NBR1: variants seen among roughly 807,000 people sequenced by gnomAD.
The protein encoded by NBR1 is NBR1 autophagy cargo receptor.
NBR1 carries 59 observed loss-of-function variants against 115.5 expected under a neutral mutation model. That is an observed-to-expected ratio of 0.51 (90% CI 0.41 to 0.63). The LOEUF (loss-of-function observed/expected upper bound fraction) is 0.63. Ranked by LOEUF, NBR1 falls within the 30% of genes least tolerant of loss-of-function variation. The pLI, the probability that NBR1 is intolerant of heterozygous loss-of-function variation, is 0.00. For missense variants in NBR1, 1,043 were observed against 1,150.5 expected (o/e 0.91, Z 1.35); for synonymous variants, 373 against 414.7 (o/e 0.90, Z 1.22).
chr17:43,205,506 G>T (rs2057296230), intron 20 of NBR1, among the ~76,000 whole-genome samples: 1 of 152,146 alleles, frequency 6.6e-6, no homozygotes, highest in Non-Finnish European at 1.5e-5. Flanking sequence ...AAAGGGTATT[G>T]TAGACAGTGT....
chr17:43,202,691 A>T lies in NBR1; in HGVS notation c.2600A>T (p.Gln867Leu). 6.3e-7 allele frequency: 1 copy of T among 1,576,676 alleles called. No homozygotes were observed. Among genetic ancestry groups the T allele is most frequent in the Non-Finnish European group, 8.6e-7 (1 of 1,159,664 alleles). ...RGSSGLVNSRQKSYDHSRHHH... is the reference protein window; with the variant it reads ...RGSSGLVNSRLKSYDHSRHHH... ...TCATCAGGACTTGTAAACAGCAGAC[A>T]GAAGAGCTATGACCACTCAAGGTAA... Residue 867 changes from glutamine (Q) to leucine (L), a missense_variant, in exon 19 of 21, where the codon CAG (glutamine) becomes CTG (leucine). Gln to Leu is a moderately radical substitution (Grantham distance 113). Transcript: ENST00000590996.
chr17:43,174,951 A>AG (rs2056469756), intron 1 of NBR1, among the ~76,000 whole-genome samples: 1 of 151,526 alleles, frequency 6.6e-6, no homozygotes, highest in Non-Finnish European at 1.5e-5. Flanking sequence ...AAAAAAAAAA[A>AG]AAAAATTAGC....
chr17:43,185,060 GC>G (rs1332838488), intron 5 of NBR1, among the ~76,000 whole-genome samples: 9 of 150,328 alleles, frequency 6.0e-5, no homozygotes, highest in Admixed American at 6.0e-4. Context: ...CTGCACTCTA[GC>G]CTGGTGACAG....
Position 43,191,437 on chromosome 17 carries a change from A to G in NBR1, c.929A>G (p.Lys310Arg). 4 of 1,613,564 alleles carry G rather than the reference A, an allele frequency of 2.5e-6. No homozygotes were observed. The highest frequency in any genetic ancestry group is 3.4e-6 in the Non-Finnish European group (4 of 1,179,704). Residue 310 changes from lysine (K) to arginine (R), a missense_variant, in exon 10 of 21, where the codon AAA becomes AGA. Physicochemically the swap from Lys to Arg is conservative, Grantham distance 26. Transcript: ENST00000590996. ...AEKQRLRAEK[K>R]QRKAEVKELK... is the part of the protein sequence containing the mutation. The stretch of plus-strand genomic sequence containing the variant: ...AAGCAAAGGTTGCGAGCTGAGAAGA[A>G]ACAACGTAAAGCAGAGGTCAAGGAA...
At chr17:43,189,010 C>A (rs117796976) in intron 6 of NBR1, 32 bp from the exon 7 acceptor site, 53,368 of 1,450,510 alleles carry the variant, frequency 0.037, 1,450 homozygotes, top group Admixed American at 0.12. Context: ...GAAAAAGTAA[C>A]CTCTAACATC....
At chr17:43,196,403 A>G in intron 14 of NBR1, 78 bp from the exon 15 acceptor site, 1 of 865,540 alleles carries the variant, frequency 1.2e-6, no homozygotes, top group East Asian at 3.0e-5. Flanking sequence ...AAGCCTACAA[A>G]CTGCTACTTC....
chr17:43,200,991 CCT>C (rs1426157573), intron 17 of NBR1, among the ~76,000 whole-genome samples: 1 of 152,048 alleles, frequency 6.6e-6, no homozygotes, highest in East Asian at 1.9e-4. Flanking sequence ...ACCTCAGCCC[CCT>C]GAGTAGCTGG....
chr17:43,171,365 G>A (rs1053631880), intron 1 of NBR1, 63 bp downstream of exon 1: 6 of 152,622 alleles, frequency 3.9e-5, no homozygotes, highest in African/African-American at 7.2e-5. Context: ...GTTTGGGGAA[G>A]TTCAAGGGAG....
chr17:43,199,178 G>A (rs1567863174), intron 16 of NBR1, among the ~76,000 whole-genome samples: 1 of 151,656 alleles, frequency 6.6e-6, no homozygotes, highest in Non-Finnish European at 1.5e-5. Context: ...AACATCCTGG[G>A]GTCCCCCTAC....
intron 16 of NBR1, among the ~76,000 whole-genome samples, chr17:43,198,309 A>G (rs944902681): frequency 1.3e-5 from 2 of 152,188 alleles, no homozygotes; most frequent in Admixed American, 6.5e-5. Context: ...TCTTTATTAT[A>G]ATCAAATTTG....
intron 3 of NBR1, among the ~76,000 whole-genome samples, chr17:43,179,178 G>T (rs1323699422): frequency 6.6e-6 from 1 of 152,166 alleles, no homozygotes; most frequent in Non-Finnish European, 1.5e-5. Context: ...GCTCCTAACT[G>T]TTATATTGCA....
In NBR1 at chr17:43,180,835, T is replaced by C. The variant is rs760797398; in HGVS notation, c.207+18T>C. The C allele has an allele frequency of 7.1e-7, 1 of 1,416,262 alleles. No homozygotes were observed. The highest frequency in any genetic ancestry group is 2.9e-5 in the East Asian group (1 of 35,066). The allele number at this position is 1,416,262 out of a possible 1,614,324, so 87.7% of individuals were successfully genotyped here. On this transcript the variant is annotated intron_variant, in intron 5 of 20. Coordinates refer to ENST00000590996, the MANE Select transcript of NBR1 (RefSeq NM_005899.5). ...CGCTTAAGGTAATGATTATTTAATC[T>C]CATTTTTAAATAATTTAAAAAATAT...
In NBR1 at chr17:43,195,016, G is replaced by T. The variant is rs1488259560; in HGVS notation, c.1727G>T (p.Arg576Ile). ...LDINIVQELE[R>I]VPHNTPVDVT... The stretch of plus-strand genomic sequence containing the variant: ...ATAAACATTGTTCAAGAGTTGGAGA[G>T]AGTGCCCCACAACACCCCTGTGGGT... The change falls in exon 14 of 21, where the codon AGA becomes ATA. Residue 576 changes from arginine (R) to isoleucine (I), a missense_variant. Physicochemically the swap from Arg to Ile is moderately conservative, Grantham distance 97. Transcript: ENST00000590996. 4 of 1,613,626 alleles carry T rather than the reference G, an allele frequency of 2.5e-6. No homozygotes were observed. The highest frequency in any genetic ancestry group is 1.6e-4 in the Middle Eastern group (1 of 6,084).
intron 1 of NBR1, among the ~76,000 whole-genome samples, chr17:43,173,808 T>A (rs924104405): frequency 2.0e-5 from 3 of 152,028 alleles, no homozygotes; most frequent in African/African-American, 7.3e-5. Context: ...CCAGTTTGTG[T>A]GCTCCTCCGC....
chr17:43,172,867 C>A (rs1384626763), intron 1 of NBR1, among the ~76,000 whole-genome samples: 1 of 152,092 alleles, frequency 6.6e-6, no homozygotes, highest in Non-Finnish European at 1.5e-5. Context: ...GCTCTGTCGC[C>A]CAGGCTGGAG....
chr17:43,210,597 T>G lies in NBR1; in HGVS notation c.*523T>G. ...ATGATAGAAATGTTGTTACTCTTCC[T>G]CTCTCAAGGAGAAAGTAATTTTCCT... On this transcript the variant is annotated 3_prime_UTR_variant, in exon 21 of 21. Coordinates refer to ENST00000590996, the MANE Select transcript of NBR1 (RefSeq NM_005899.5). 1 of 398,516 alleles carries G rather than the reference T, an allele frequency of 2.5e-6. No individual in the cohort carries two copies. Among genetic ancestry groups the G allele is most frequent in the Non-Finnish European group, 4.4e-6 (1 of 226,048 alleles). 24.7% of individuals were successfully genotyped at this position (398,516 alleles called of 1,614,324 possible). A position where few individuals can be genotyped will look rare whatever the true frequency, so the allele number is the denominator to read the frequency against.
intron 5 of NBR1, among the ~76,000 whole-genome samples, chr17:43,181,589 C>G (rs2056665818): frequency 6.6e-6 from 1 of 152,056 alleles, no homozygotes; most frequent in African/African-American, 2.4e-5. Context: ...TGGCGTGAAC[C>G]CCGGAGGCGG....
At chr17:43,205,899 G>C (rs1217107993) in intron 20 of NBR1, among the ~76,000 whole-genome samples, 1 of 103,722 alleles carries the variant, frequency 9.6e-6, no homozygotes, top group Non-Finnish European at 2.1e-5. Flanking sequence ...AAAAAAAAAG[G>C]CTGGGTGTGG....
intron 16 of NBR1, among the ~76,000 whole-genome samples, chr17:43,197,466 C>T (rs933008213): frequency 6.6e-6 from 1 of 151,642 alleles, no homozygotes; most frequent in African/African-American, 2.4e-5. Context: ...TTGCAGTGAG[C>T]CAAGATTGCG....
Sources: gnomAD v4.1 joint callset for allele counts (sites outside exome capture counted in the v4.1 genomes callset) on GRCh38, gnomAD v4.1.1 for gene constraint, MANE v1.5 for transcripts, NCBI Gene and HGNC (gene_info 2026-07-23, HGNC 2026-07-21) for gene names.